The following PPRC1 variants were observed in gnomAD, a reference collection of about 807,000 sequenced individuals.
PPRC1 encodes the protein peroxisome proliferator-activated receptor gamma coactivator-related protein 1.
A neutral mutation model predicts 132.5 loss-of-function variants in PPRC1; 23 were observed. The ratio of observed to expected loss-of-function variants is 0.17; its 90% CI spans 0.12 to 0.25. The LOEUF is 0.25. Among genes scored for constraint, PPRC1 ranks in the 10% least tolerant of loss-of-function variants. PPRC1 has a pLI of 1.00. For missense variants in PPRC1, 2,006 were observed against 2,089.1 expected, an observed-to-expected ratio of 0.96 and a Z score of 0.78; for synonymous variants, 872 against 833.5, an observed-to-expected ratio of 1.05 and a Z score of -0.80.
Position 102,150,272 on chromosome 10 carries a change from C to A in PPRC1, c.*243C>A. On this transcript the variant is annotated 3_prime_UTR_variant, in exon 14 of 14. Coordinates refer to ENST00000278070, the MANE Select transcript of PPRC1 (RefSeq NM_015062.5). ...AAGATAGGAGGGGCTGAGGGGATCC[C>A]CAGTGTTTGGAACATAAGTCACTAT... 1 of 407,832 alleles carries A rather than the reference C, an allele frequency of 2.5e-6. No individual in the cohort carries two copies. Among genetic ancestry groups the A allele is most frequent in the Non-Finnish European group, 4.6e-6 (1 of 218,418 alleles). The allele number at this position is 407,832 out of a possible 1,614,324, so 25.3% of individuals were successfully genotyped here. A position where few individuals can be genotyped will look rare whatever the true frequency, so the allele number is the denominator to read the frequency against.
chr10:102,141,617 C>T lies in PPRC1; in HGVS notation c.3109C>T (p.Pro1037Ser), dbSNP rs753823840. ...TGTACTTCCCTTGTCGATGGCTCCT[C>T]CCCTCAGTCTTGGGCTACCTGGCCA... The part of the protein sequence containing the change: ...ENVLPLSMAP[P>S]LSLGLPGHGA... Residue 1037 changes from proline (P) to serine (S), a missense_variant, in exon 5 of 14, where the codon CCC (proline) becomes TCC (serine). Pro to Ser is a moderately conservative substitution (Grantham distance 74). This residue lies in a region of PPRC1 where 1,914 missense variants were observed against 1,917.2 expected (regional missense o/e 1.00). Transcript: ENST00000278070. 1.1e-5 allele frequency: 17 copies of T among 1,614,182 alleles called. No homozygotes were observed. Among genetic ancestry groups the T allele is most frequent in the East Asian group, 6.7e-5 (3 of 44,878 alleles).
At chr10:102,137,762 C>A (rs143715852) in intron 1 of PPRC1, 88 bp from the exon 2 acceptor site, 1 of 1,296,086 alleles carries the variant, frequency 7.7e-7, no homozygotes, top group Non-Finnish European at 1.1e-6. Context: ...GAGTTTGGCC[C>A]CAGCAGTGGA....
intron 5 of PPRC1, among the ~76,000 whole-genome samples, chr10:102,142,334 C>G (rs1478342492): frequency 6.8e-6 from 1 of 146,292 alleles, no homozygotes; most frequent in East Asian, 2.0e-4. Flanking sequence ...ATCTCCTGAT[C>G]TCGTGATCCG....
intron 7 of PPRC1, chr10:102,144,682 T>C (rs1476795378): frequency 2.2e-6 from 1 of 462,166 alleles, no homozygotes; most frequent in African/African-American, 2.0e-5. Flanking sequence ...GGAGTCATTT[T>C]TCATGTTCAT....
At position 102,147,008 on chromosome 10, in the gene PPRC1, C is replaced by G. The variant is rs754300895; in HGVS notation, c.4016C>G (p.Pro1339Arg). 14 of 1,614,140 alleles carry G rather than the reference C, an allele frequency of 8.7e-6. No individual in the cohort carries two copies. The highest frequency in any genetic ancestry group is 1.7e-5 in the Admixed American group (1 of 60,020). Residue 1339 changes from proline to arginine, a missense_variant, in exon 9 of 14, where the codon CCA (proline) becomes CGA (arginine). Transcript: ENST00000278070. The part of the protein sequence containing the change: ...ITIKPVLSLG[P>R]AAPPPPCIAA... ...ATCAAACCTGTCTTGTCCTTGGGCCCAGCTGCCCCTCCGCCCCCATGCATA... is the reference window on the plus strand; with the variant it reads ...ATCAAACCTGTCTTGTCCTTGGGCCGAGCTGCCCCTCCGCCCCCATGCATA...
At chr10:102,143,130 C>A in intron 6 of PPRC1, 32 bp downstream of exon 6, 1 of 1,595,032 alleles carries the variant, frequency 6.3e-7, no homozygotes, top group East Asian at 2.2e-5. Flanking sequence ...TGCTCCAACT[C>A]TTTTTTTGGT....
chr10:102,135,728 C>A (rs968082464), intron 1 of PPRC1, among the ~76,000 whole-genome samples: 2 of 152,106 alleles, frequency 1.3e-5, no homozygotes, highest in African/African-American at 4.8e-5. Flanking sequence ...CAGTAAAATG[C>A]CATTGAAGGG....
Position 102,148,866 on chromosome 10 carries a change from G to C in PPRC1, c.4667G>C (p.Arg1556Pro). 1 of 1,614,144 alleles carries C rather than the reference G, an allele frequency of 6.2e-7. No homozygotes were observed. The highest frequency in any genetic ancestry group is 1.1e-5 in the South Asian group (1 of 91,074). The change falls in exon 12 of 14, where the codon CGA becomes CCA. Residue 1556 changes from arginine to proline, a missense_variant. Coordinates refer to ENST00000278070, the MANE Select transcript of PPRC1 (RefSeq NM_015062.5). This position sits in a 1 kb window ranked among gnomAD's most constrained non-coding sequence, Gnocchi z 4.2. ...FIGKIPGRMT[R>P]SELKQRFSVF... is the part of the protein sequence containing the mutation. ...GGAAAGATACCTGGCCGCATGACTC[G>C]ATCAGAGCTGAAACAGAGGTTCTCC...
chr10:102,148,575 T>C lies in PPRC1; in HGVS notation c.4551-53T>C. 1 of 1,612,988 alleles carries C rather than the reference T, an allele frequency of 6.2e-7. No individual in the cohort carries two copies. The highest frequency in any genetic ancestry group is 8.5e-7 in the Non-Finnish European group (1 of 1,178,980). On this transcript the variant is annotated intron_variant, in intron 10 of 13. Coordinates refer to ENST00000278070, the MANE Select transcript of PPRC1 (RefSeq NM_015062.5). The surrounding 1 kb of genome is among the most constrained non-coding windows in gnomAD (Gnocchi z 4.2). ...ACCTGGGATGCAGGTGCCTAAGAGT[T>C]GAGTCTTGAATTGTCTTATGTTTGG...
At chr10:102,127,053 ATATATATATATATAT>A in the PPRC1 span, among the ~76,000 whole-genome samples, 126 of 59,212 alleles carry the variant, frequency 2.1e-3, 4 homozygotes, top group African/African-American at 3.5e-3. Flanking sequence ...ATATATATAT[ATATATATATATATAT>A]AAATTAAAAA....
rs1239625686 is a variant in PPRC1 at position 102,147,337 on chromosome 10, T to A, written c.4345T>A (p.Ser1449Thr). The A allele has an allele frequency of 1.2e-6, 2 of 1,611,384 alleles. No homozygotes were observed. Among genetic ancestry groups the A allele is most frequent in the Admixed American group, 3.3e-5 (2 of 60,018 alleles). ...ATCTTCCTCATCCTCATCATCGTCTTCCTCATCCCGATCTCGGTCCAGGTC... is the reference window on the plus strand; with the variant it reads ...ATCTTCCTCATCCTCATCATCGTCTACCTCATCCCGATCTCGGTCCAGGTC... The part of the protein sequence containing the change: ...EASSSSSSSS[S>T]SSRSRSRSLS... The change falls in exon 9 of 14, where the codon TCC becomes ACC. Residue 1449 changes from serine to threonine, a missense_variant. Transcript: ENST00000278070.
upstream of PPRC1, among the ~76,000 whole-genome samples, chr10:102,132,666 C>A (rs1471440662): frequency 6.6e-6 from 1 of 152,262 alleles, no homozygotes; most frequent in Non-Finnish European, 1.5e-5. Flanking sequence ...TACAGGCCCA[C>A]TTGGCCCCAC....
rs1229411214 is a variant in PPRC1 at position 102,139,781 on chromosome 10, G to A, written c.1273G>A (p.Ala425Thr). Residue 425 changes from alanine (A) to threonine (T), a missense_variant, in exon 5 of 14, where the codon GCC becomes ACC. By Grantham distance (58) the Ala-to-Thr change is moderately conservative (BLOSUM62 0). This residue lies in a region of PPRC1 where 1,914 missense variants were observed against 1,917.2 expected (regional missense o/e 1.00). Transcript: ENST00000278070. ...SLNSEEKLDS[A>T]CLLKPREVVE... ...GAACTCAGAGGAGAAGCTGGACTCA[G>A]CCTGCTTATTGAAGCCCAGGGAGGT... 6.2e-7 allele frequency: 1 copy of A among 1,614,204 alleles called. No homozygotes were observed.
chr10:102,120,047 T>A, the PPRC1 span: 1 of 1,410,990 alleles, frequency 7.1e-7, no homozygotes, highest in Admixed American at 2.6e-5. Context: ...CAGGGACGGC[T>A]GGGCAGGAAG....
At chr10:102,136,486 A>G (rs1268706782) in intron 1 of PPRC1, among the ~76,000 whole-genome samples, 1 of 152,104 alleles carries the variant, frequency 6.6e-6, no homozygotes, top group Non-Finnish European at 1.5e-5. Context: ...CCTTATCCAC[A>G]GTTTCTGTTA....
At chr10:102,144,557 T>A in intron 7 of PPRC1, 1 of 555,500 alleles carries the variant, frequency 1.8e-6, no homozygotes, top group Non-Finnish European at 3.2e-6. Context: ...GAGGTGCCTT[T>A]TATCTCCTGG....
At chr10:102,121,305 C>T in the PPRC1 span, among the ~76,000 whole-genome samples, 1 of 152,150 alleles carries the variant, frequency 6.6e-6, no homozygotes. Context: ...CCAACCCCAC[C>T]GCCTCCGACC....
At chr10:102,124,105 G>T in the PPRC1 span, among the ~76,000 whole-genome samples, 7 of 149,854 alleles carry the variant, frequency 4.7e-5, no homozygotes, top group Non-Finnish European at 1.0e-4. Context: ...CGCTCTTGTC[G>T]CCCAGACTGG....
At position 102,139,701 on chromosome 10, in the gene PPRC1, C is replaced by T. The variant is rs746106517; in HGVS notation, c.1193C>T (p.Thr398Ile). ...CTTATGCCTACACTGGAGTCAGAGA[C>T]AGAGGCTGCTGTGCCCAAGGTAACC... ...QLLMPTLESE[T>I]EAAVPKVTLC... Residue 398 changes from threonine to isoleucine, a missense_variant, in exon 5 of 14, where the codon ACA (threonine) becomes ATA (isoleucine). Around this residue, in one of 2 missense-constraint regions of PPRC1, gnomAD observed 1,914 missense variants for 1,917.2 expected, o/e 1.00. Coordinates refer to ENST00000278070, the MANE Select transcript of PPRC1 (RefSeq NM_015062.5). 6.2e-7 allele frequency: 1 copy of T among 1,614,114 alleles called. No individual in the cohort carries two copies. Among genetic ancestry groups the T allele is most frequent in the South Asian group, 1.1e-5 (1 of 91,086 alleles).
Sources: gnomAD v4.1 joint callset for allele counts (sites outside exome capture counted in the v4.1 genomes callset) on GRCh38, gnomAD v4.1.1 for gene constraint, gnomAD v4.1.1 regional missense constraint, Gnocchi (gnomAD v3.1) non-coding constraint, MANE v1.5 for transcripts, NCBI Gene and HGNC (gene_info 2026-07-23, HGNC 2026-07-21) for gene names.